The following DTNA variants were observed in gnomAD, a reference collection of about 807,000 sequenced individuals.
DTNA encodes the protein dystrophin-related protein 3.
DTNA carries 43 observed loss-of-function variants against 100.7 expected under a neutral mutation model. The ratio of observed to expected loss-of-function variants is 0.43; its 90% CI spans 0.33 to 0.55. The LOEUF is 0.55. Ranked by LOEUF, DTNA falls within the 20% of genes least tolerant of loss-of-function variation. The pLI is 0.04. For missense variants in DTNA, 798 were observed against 953.9 expected (o/e 0.84, Z 2.15); for synonymous variants, 349 against 347.9 (o/e 1.00, Z -0.04).
At chr18:34,848,177 T>C (rs1044333562) in intron 13 of DTNA, 119 bp from the exon 14 acceptor site, 1 of 862,494 alleles carries the variant, frequency 1.2e-6, no homozygotes, top group Admixed American at 2.0e-5. Context: ...CAGGGTTTTG[T>C]GTAGTTTGCA....
rs1457834644 is a variant in DTNA, at chr18:34,888,851, T to G, written c.*1117T>G. The G allele has an allele frequency of 2.0e-6, 2 of 985,770 alleles. No individual in the cohort carries two copies. Among genetic ancestry groups the G allele is most frequent in the African/African-American group, 3.5e-5 (2 of 57,248 alleles). 61.1% of individuals were successfully genotyped at this position (985,770 alleles called of 1,614,324 possible). On this transcript the variant is annotated 3_prime_UTR_variant, in exon 23 of 23. Transcript: ENST00000444659. ...CAGGCTTAAAGTGCGCTTGCAAACG[T>G]TTGCTCTCCTTTTTTTCTGAATGTT...
chr18:34,550,169 A>C (rs1329944410), intron 1 of DTNA, among the ~76,000 whole-genome samples: 2 of 152,130 alleles, frequency 1.3e-5, no homozygotes, highest in Non-Finnish European at 1.5e-5. Flanking sequence ...CAATTCCCTA[A>C]AATTTCATAG....
At chr18:34,676,180 T>G (rs1312229404) in intron 1 of DTNA, among the ~76,000 whole-genome samples, 1 of 152,228 alleles carries the variant, frequency 6.6e-6, no homozygotes, top group Non-Finnish European at 1.5e-5. Context: ...AGCCTCTGTT[T>G]AAATTGATAT....
At chr18:34,775,260 G>A (rs1229759975) in intron 3 of DTNA, among the ~76,000 whole-genome samples, 1 of 152,192 alleles carries the variant, frequency 6.6e-6, no homozygotes, top group Non-Finnish European at 1.5e-5. Context: ...GCCGAGGCGG[G>A]CGGATCACAA....
intron 1 of DTNA, among the ~76,000 whole-genome samples, chr18:34,608,184 G>A (rs977359160): frequency 6.6e-6 from 1 of 152,148 alleles, no homozygotes; most frequent in African/African-American, 2.4e-5. Context: ...AACTGGGTTG[G>A]TATTTATATG....
At chr18:34,603,182 G>T (rs1013325918) in intron 1 of DTNA, among the ~76,000 whole-genome samples, 7 of 151,570 alleles carry the variant, frequency 4.6e-5, no homozygotes, top group Admixed American at 4.6e-4. Context: ...CTGCTCCCCA[G>T]CCTGGGCAGC....
rs370573687 is a variant in DTNA at position 34,743,088 on chromosome 18, G to A, written c.-1-12888G>A. Among the ~76,000 whole-genome samples the A allele has an allele frequency of 2.0e-5, 3 of 152,134 alleles. No homozygotes were observed. The East Asian group carries it at 5.8e-4, about 29-fold the overall frequency. ...AGAAAAAATTCTCTTCAATGGAAGG[G>A]ACATAATTAAAAGCCTTATAATTTA... is the stretch of plus-strand genomic sequence containing the variant. On this transcript the variant is annotated intron_variant, in intron 1 of 22. Coordinates refer to ENST00000444659, the MANE Select transcript of DTNA (RefSeq NM_001386795.1).
rs1485341760 is a variant in DTNA, at chr18:34,838,809, G to A, written c.1318G>A (p.Val440Ile). 2 of 1,613,754 alleles carry A rather than the reference G, an allele frequency of 1.2e-6. No individual in the cohort carries two copies. Among genetic ancestry groups the A allele is most frequent in the Non-Finnish European group, 8.5e-7 (1 of 1,179,758 alleles). Residue 440 changes from valine to isoleucine, a missense_variant, in exon 13 of 23, where the codon GTC (valine) becomes ATC (isoleucine). Transcript: ENST00000444659. ...TGAACATGTTCTCATCGGGTTGTAT[G>A]TCAACATGCTCCGGAACAACCCCTC... ...ADEHVLIGLY[V>I]NMLRNNPSCM... is the part of the protein sequence containing the mutation.
chr18:34,755,606 C>T (rs755010054), intron 1 of DTNA: 5 of 278,456 alleles, frequency 1.8e-5, no homozygotes, highest in Non-Finnish European at 3.5e-5. Flanking sequence ...GAATGGGATC[C>T]ACAATATCTG....
intron 1 of DTNA, among the ~76,000 whole-genome samples, chr18:34,631,750 A>G (rs2058103030): frequency 1.3e-5 from 2 of 152,222 alleles, no homozygotes; most frequent in South Asian, 2.1e-4. Flanking sequence ...ATTGAGCTAC[A>G]AAGAGTCTGT....
intron 1 of DTNA, among the ~76,000 whole-genome samples, chr18:34,560,452 G>T (rs2046530718): frequency 6.6e-6 from 1 of 152,112 alleles, no homozygotes; most frequent in Admixed American, 6.5e-5. Flanking sequence ...TTAAAGTAAT[G>T]TACTCCAGTG....
chr18:34,599,540 T>TTTTTTTC (rs758152093), intron 1 of DTNA, among the ~76,000 whole-genome samples: 253 of 152,318 alleles, frequency 1.7e-3, no homozygotes, highest in Non-Finnish European at 3.3e-3. Context: ...TAATTAACAA[T>TTTTTTTC]TTTTTTCTTT....
intron 1 of DTNA, among the ~76,000 whole-genome samples, chr18:34,724,606 A>C (rs905231943): frequency 6.6e-6 from 1 of 152,208 alleles, no homozygotes; most frequent in African/African-American, 2.4e-5. Flanking sequence ...GAGAGGGGAG[A>C]GGTGCCAGGC....
chr18:34,634,598 T>C (rs1016172907), intron 1 of DTNA, among the ~76,000 whole-genome samples: 1 of 152,158 alleles, frequency 6.6e-6, no homozygotes. Flanking sequence ...CTCACACATA[T>C]ATGTAGTCAG....
chr18:34,834,675 A>G (rs1488751202), intron 11 of DTNA, among the ~76,000 whole-genome samples: 1 of 152,122 alleles, frequency 6.6e-6, no homozygotes, highest in Non-Finnish European at 1.5e-5. Context: ...GCCACAGACA[A>G]GAGGTGCCAG....
chr18:34,794,782 A>G (rs1202277704), intron 4 of DTNA, among the ~76,000 whole-genome samples: 1 of 152,214 alleles, frequency 6.6e-6, no homozygotes, highest in Non-Finnish European at 1.5e-5. Context: ...TCCACAGACC[A>G]CAACTGAAGC....
intron 1 of DTNA, among the ~76,000 whole-genome samples, chr18:34,667,871 T>C (rs982879996): frequency 1.3e-5 from 2 of 152,224 alleles, no homozygotes; most frequent in Admixed American, 1.3e-4. Flanking sequence ...TCAGGGATAT[T>C]GGTCTAAAAT....
intron 1 of DTNA, among the ~76,000 whole-genome samples, chr18:34,505,766 G>GT (rs2040427830): frequency 6.6e-6 from 1 of 151,934 alleles, no homozygotes; most frequent in African/African-American, 2.4e-5. Flanking sequence ...CAATTGAAAT[G>GT]TTTTTCTTAT....
chr18:34,794,829 CAG>C (rs1273437330), intron 4 of DTNA, among the ~76,000 whole-genome samples: 17 of 152,160 alleles, frequency 1.1e-4, no homozygotes, highest in Admixed American at 3.3e-4. Flanking sequence ...CTTTTAGAAT[CAG>C]AGAATTTCAG....
Sources: allele counts gnomAD v4.1 joint callset (sites outside exome capture counted in the v4.1 genomes callset), GRCh38; gene constraint gnomAD v4.1.1; transcripts MANE v1.5; gene names NCBI Gene and HGNC (gene_info 2026-07-23, HGNC 2026-07-21).